Variants in PDE8B observed in about 807,000 individuals in gnomAD.
PDE8B encodes high affinity cAMP-specific and IBMX-insensitive 3',5'-cyclic phosphodiesterase 8B.
PDE8B carries 26 observed loss-of-function variants against 101.3 expected under a neutral mutation model. That is an observed-to-expected ratio of 0.26 (90% CI 0.19 to 0.36). The LOEUF is 0.36. Among genes scored for constraint, PDE8B ranks in the 10% least tolerant of loss-of-function variants. The probability of loss-of-function intolerance (pLI) is 1.00; values close to 1 mark genes in which losing one functional copy is unlikely to be tolerated. For synonymous variants in PDE8B, 424 were observed against 429.3 expected, an observed-to-expected ratio of 0.99 and a Z score of 0.15; for missense variants, 810 against 1,163.1, an observed-to-expected ratio of 0.70 and a Z score of 4.42.
chr5:77,337,122 T>C, intron 5 of PDE8B, 105 bp from the exon 6 acceptor site: 1 of 709,062 alleles, frequency 1.4e-6, no homozygotes. Context: ...AATTGTCTTA[T>C]ATAACGGAGT....
chr5:77,207,807 C>T (rs186073685), upstream of PDE8B, among the ~76,000 whole-genome samples: 573 of 152,292 alleles, frequency 3.8e-3, 2 homozygotes, highest in Non-Finnish European at 6.0e-3. Flanking sequence ...GTTGCACATT[C>T]CCACTGAGAA....
chr5:77,240,119 A>G (rs1195226512), intron 1 of PDE8B, among the ~76,000 whole-genome samples: 1 of 151,978 alleles, frequency 6.6e-6, no homozygotes, highest in Non-Finnish European at 1.5e-5. Context: ...TAGTCATTCA[A>G]TTGAGAGTTT....
At chr5:77,260,337 A>G (rs1483353253) in intron 1 of PDE8B, among the ~76,000 whole-genome samples, 5 of 152,202 alleles carry the variant, frequency 3.3e-5, no homozygotes, top group Admixed American at 3.3e-4. Context: ...AAATCAGTTC[A>G]TCAGTTTACC....
At chr5:77,315,792 A>G (rs1241072756) in intron 2 of PDE8B, among the ~76,000 whole-genome samples, 1 of 152,206 alleles carries the variant, frequency 6.6e-6, no homozygotes, top group Non-Finnish European at 1.5e-5. Context: ...CCCTTTTATC[A>G]TTACGTAGTG....
rs746859495 is a variant in PDE8B at position 77,211,186 on chromosome 5, G to A, written c.261G>A (p.Ala87=). 3.2e-6 allele frequency: 5 copies of A among 1,550,950 alleles called. No homozygotes were observed. Among genetic ancestry groups the A allele is most frequent in the Non-Finnish European group, 4.3e-6 (5 of 1,156,220 alleles). Reference sequence around the variant, plus strand: ...GCGCGGGTTCCGCAGCCCCCGCCGCGACCACCAGCAGGGGCCGGAGGCGCC... The same window carrying A: ...GCGCGGGTTCCGCAGCCCCCGCCGCAACCACCAGCAGGGGCCGGAGGCGCC... ...GSSAGSAAPA[A]TTSRGRRRHC... is the part of the protein sequence containing the mutation. The change falls in exon 1 of 22, where the codon GCG becomes GCA. Residue 87 remains alanine, a synonymous_variant. Transcript: ENST00000264917. The surrounding 1 kb of genome is among the most constrained non-coding windows in gnomAD (Gnocchi z 4.1).
At chr5:77,425,654 A>G in intron 20 of PDE8B, 113 bp from the exon 21 acceptor site, 1 of 1,091,834 alleles carries the variant, frequency 9.2e-7, no homozygotes, top group Non-Finnish European at 1.4e-6. Flanking sequence ...CTATTTCTTC[A>G]TTGAGAAAAC....
At chr5:77,120,109 T>C in the PDE8B span, among the ~76,000 whole-genome samples, 1 of 152,126 alleles carries the variant, frequency 6.6e-6, no homozygotes, top group African/African-American at 2.4e-5. Flanking sequence ...TAAAAAGGAA[T>C]AGAGTATTGA....
intron 1 of PDE8B, among the ~76,000 whole-genome samples, chr5:77,302,578 A>G (rs1459863698): frequency 6.6e-6 from 1 of 152,148 alleles, no homozygotes; most frequent in Non-Finnish European, 1.5e-5. Flanking sequence ...TTCCATGCTC[A>G]TTGTTTCTCA....
At chr5:77,155,974 C>T in the PDE8B span, among the ~76,000 whole-genome samples, 42 of 152,046 alleles carry the variant, frequency 2.8e-4, no homozygotes, top group African/African-American at 8.7e-4. Flanking sequence ...TCTGTAATGA[C>T]GGAAGGGAAA....
Position 77,349,485 on chromosome 5 carries a change from G to A in PDE8B, c.943G>A (p.Ala315Thr), listed in dbSNP as rs769265994. ...HKGELLGKELADLPKSDKNRA... is the reference protein window; with the variant it reads ...HKGELLGKELTDLPKSDKNRA... ...AGGTGAGCTCCTGGGAAAAGAACTC[G>A]CTGATCTGCCCAAAAGCGATAAGAA... The change falls in exon 8 of 22, where the codon GCT becomes ACT. Residue 315 changes from alanine (A) to threonine (T), a missense_variant. By Grantham distance (58) the Ala-to-Thr change is moderately conservative (BLOSUM62 0). Transcript: ENST00000264917. The A allele has an allele frequency of 3.7e-6, 6 of 1,614,106 alleles. No individual in the cohort carries two copies. The highest frequency in any genetic ancestry group is 4.5e-5 in the East Asian group (2 of 44,874).
chr5:77,353,141 G>A (rs1019565589), intron 9 of PDE8B, among the ~76,000 whole-genome samples: 2 of 152,202 alleles, frequency 1.3e-5, no homozygotes, highest in Non-Finnish European at 2.9e-5. Context: ...CCTCTAGGAT[G>A]TATAAAGGAG....
At chr5:77,179,946 A>T in the PDE8B span, among the ~76,000 whole-genome samples, 14,775 of 152,140 alleles carry the variant, frequency 0.097, 1,031 homozygotes, top group East Asian at 0.37. Flanking sequence ...AGGGACCAAT[A>T]TCTCTAACTT....
intron 8 of PDE8B, among the ~76,000 whole-genome samples, chr5:77,350,042 T>G (rs1780799681): frequency 6.6e-6 from 1 of 152,162 alleles, no homozygotes; most frequent in East Asian, 1.9e-4. Context: ...GGCTTCCCCT[T>G]CATCTGGGTA....
At chr5:77,134,860 G>A in the PDE8B span, among the ~76,000 whole-genome samples, 8 of 152,306 alleles carry the variant, frequency 5.3e-5, no homozygotes, top group Non-Finnish European at 7.4e-5. Flanking sequence ...TCTCTTCTAA[G>A]TATTTCCTCA....
chr5:77,109,736 C>T, the PDE8B span, among the ~76,000 whole-genome samples: 1 of 152,058 alleles, frequency 6.6e-6, no homozygotes, highest in African/African-American at 2.4e-5. Context: ...GCTTCCAGAG[C>T]TAGTGAATCT....
chr5:77,308,756 G>A (rs1471249405), intron 1 of PDE8B, among the ~76,000 whole-genome samples: 1 of 152,116 alleles, frequency 6.6e-6, no homozygotes, highest in Non-Finnish European at 1.5e-5. Flanking sequence ...TGGGTCAGAG[G>A]GACTTAAGGA....
the PDE8B span, among the ~76,000 whole-genome samples, chr5:77,093,790 G>A: frequency 1.3e-5 from 2 of 151,906 alleles, no homozygotes; most frequent in African/African-American, 2.4e-5. Context: ...ATCCCACAGT[G>A]TTTTCTCTGT....
intron 1 of PDE8B, among the ~76,000 whole-genome samples, chr5:77,309,450 T>G (rs1772042271): frequency 6.6e-6 from 1 of 152,176 alleles, no homozygotes; most frequent in East Asian, 1.9e-4. Context: ...TTGCTTTATT[T>G]TCTGCCACTG....
intron 10 of PDE8B, among the ~76,000 whole-genome samples, chr5:77,360,995 A>G (rs1782997451): frequency 6.6e-6 from 1 of 152,254 alleles, no homozygotes; most frequent in Non-Finnish European, 1.5e-5. Flanking sequence ...AGCCATTATT[A>G]AAAATTAAAT....
Sources: gnomAD v4.1 joint callset for allele counts (sites outside exome capture counted in the v4.1 genomes callset) on GRCh38, gnomAD v4.1.1 for gene constraint, Gnocchi (gnomAD v3.1) non-coding constraint, MANE v1.5 for transcripts, NCBI Gene and HGNC (gene_info 2026-07-23, HGNC 2026-07-21) for gene names.